The following TOX4 variants were observed in gnomAD, a reference collection of about 807,000 sequenced individuals.
TOX4 encodes TOX high mobility group box family member 4, also known as epidermal Langerhans cell protein LCP1.
In TOX4, 12 loss-of-function variants were observed where a neutral mutation model predicts 61.0. The ratio of observed to expected loss-of-function variants is 0.20; its 90% CI spans 0.13 to 0.32. The LOEUF (loss-of-function observed/expected upper bound fraction) is 0.32. Among genes scored for constraint, TOX4 ranks in the 10% least tolerant of loss-of-function variants. TOX4 has a pLI of 1.00. For missense variants in TOX4, 499 were observed against 753.3 expected, an observed-to-expected ratio of 0.66 and a Z score of 3.95; for synonymous variants, 268 against 274.8, an observed-to-expected ratio of 0.98 and a Z score of 0.24.
intron 7 of TOX4, among the ~76,000 whole-genome samples, chr14:21,494,980 G>A (rs200530246): frequency 6.6e-6 from 1 of 151,266 alleles, no homozygotes; most frequent in Admixed American, 6.6e-5. Context: ...GCTTAACAGG[G>A]AAAAAAAAGC....
chr14:21,492,298 A>G lies in TOX4; in HGVS notation c.813A>G (p.Val271=), dbSNP rs1272615965. The G allele has an allele frequency of 2.5e-6, 4 of 1,611,270 alleles. No individual in the cohort carries two copies. The highest frequency in any genetic ancestry group is 3.4e-6 in the Non-Finnish European group (4 of 1,179,146). ...TTTTTAAAGTCTCTTTTTTGCAGGT[A>G]TATAAGAGGAAAACTGAGGCTGCCA... is the stretch of plus-strand genomic sequence containing the variant. The part of the protein sequence containing the change: ...WDSLGEEQKQ[V]YKRKTEAAKK... The change falls in exon 6 of 9, where the codon GTA becomes GTG. Residue 271 remains valine (V), a splice_region_variant and synonymous_variant. Coordinates refer to ENST00000448790, the MANE Select transcript of TOX4 (RefSeq NM_014828.4).
chr14:21,482,409 G>C (rs937892423), intron 2 of TOX4: 22 of 314,946 alleles, frequency 7.0e-5, no homozygotes, highest in African/African-American at 1.1e-4. Flanking sequence ...TAAAGTGAAT[G>C]ATCTATATAA....
rs1301779620 is a variant in TOX4, at chr14:21,488,699, C to T, written c.428C>T (p.Thr143Ile). 6.2e-7 allele frequency: 1 copy of T among 1,614,160 alleles called. No individual in the cohort carries two copies. The highest frequency in any genetic ancestry group is 8.5e-7 in the Non-Finnish European group (1 of 1,180,038). Residue 143 changes from threonine (T) to isoleucine (I), a missense_variant, in exon 4 of 9, where the codon ACC becomes ATC. Physicochemically the swap from Thr to Ile is moderately conservative, Grantham distance 89 (BLOSUM62 -1). Transcript: ENST00000448790. ...TTGATGGGGCATAGCCAGTTGACCA[C>T]CATTGATCAGTCAGAACTGAGTTCC... ...SGLMGHSQLT[T>I]IDQSELSSQL...
In TOX4 at chr14:21,487,627, G is replaced by C. The variant is rs1218530567; in HGVS notation, c.252G>C (p.Met84Ile). The C allele has an allele frequency of 2.5e-6, 4 of 1,614,058 alleles. No individual in the cohort carries two copies. The Admixed American group carries it at 6.7e-5, about 27-fold the overall frequency. The change falls in exon 3 of 9, where the codon ATG becomes ATC. Residue 84 changes from methionine to isoleucine, a missense_variant. Met to Ile is a conservative substitution (Grantham distance 10). Transcript: ENST00000448790. ...SAQYGVQTLD[M>I]PVGMTHGLME... ...AGTATGGGGTCCAGACATTGGACAT[G>C]CCTGTGGGCATGACCCATGGCTTGA...
chr14:21,477,940 G>T (rs748972889), intron 2 of TOX4, among the ~76,000 whole-genome samples: 1 of 152,034 alleles, frequency 6.6e-6, no homozygotes, highest in Non-Finnish European at 1.5e-5. Flanking sequence ...GAGCTTATTG[G>T]TTTTCTTTTG....
intron 2 of TOX4, chr14:21,482,624 C>A (rs1346833868): frequency 2.2e-6 from 1 of 460,968 alleles, no homozygotes; most frequent in Non-Finnish European, 4.5e-6. Flanking sequence ...AACTGCATAT[C>A]ATGTTCCTGT....
chr14:21,487,080 A>C (rs1470717365), intron 2 of TOX4, among the ~76,000 whole-genome samples: 1 of 152,244 alleles, frequency 6.6e-6, no homozygotes, highest in African/African-American at 2.4e-5. Context: ...CTCTATTAGA[A>C]TCTTTAGAGA....
At chr14:21,479,378 C>T (rs1023660529) in intron 2 of TOX4, among the ~76,000 whole-genome samples, 20 of 151,312 alleles carry the variant, frequency 1.3e-4, no homozygotes, top group Middle Eastern at 3.2e-3. Context: ...AGGCGGGGTG[C>T]GGTGGCTCAT....
chr14:21,493,952 T>C (rs1481616743), intron 7 of TOX4, among the ~76,000 whole-genome samples: 1 of 152,094 alleles, frequency 6.6e-6, no homozygotes, highest in African/African-American at 2.4e-5. Context: ...AGTTTCACCA[T>C]GTTCATTGGG....
chr14:21,496,371 C>CA (rs1413824244), intron 8 of TOX4, 175 bp from the exon 9 acceptor site: 5 of 517,404 alleles, frequency 9.7e-6, no homozygotes, highest in South Asian at 2.1e-5. Context: ...ACTAAAAATA[C>CA]AAAAAATTGG....
rs567362931 is a variant in TOX4 at position 21,488,561 on chromosome 14, T to G, written c.319-29T>G. The G allele has an allele frequency of 1.3e-4, 203 of 1,597,116 alleles. No homozygotes were observed. In the East Asian group the frequency reaches 4.5e-3, roughly 35 times the overall value. On this transcript the variant is annotated intron_variant, in intron 3 of 8. Transcript: ENST00000448790. Reference sequence around the variant, plus strand: ...GAAAAGTGGTTTTTTTTATATTTAGTGTTTAATTAGTCCTTCTGCTTCTCT... The same window carrying G: ...GAAAAGTGGTTTTTTTTATATTTAGGGTTTAATTAGTCCTTCTGCTTCTCT...
chr14:21,477,307 G>A, intron 1 of TOX4, 23 bp downstream of exon 1: 1 of 1,614,024 alleles, frequency 6.2e-7, no homozygotes, highest in Non-Finnish European at 8.5e-7. Flanking sequence ...TAGCTAAGAA[G>A]GCTGGCGAGA....
intron 2 of TOX4, among the ~76,000 whole-genome samples, chr14:21,481,102 A>G (rs372018433): frequency 3.9e-5 from 6 of 152,340 alleles, no homozygotes; most frequent in African/African-American, 1.4e-4. Context: ...AAAAAATAAA[A>G]TAAAAGGAGG....
In TOX4 at chr14:21,498,175, G is replaced by C; in HGVS notation, c.*1569G>C. 1 of 814,584 alleles carries C rather than the reference G, an allele frequency of 1.2e-6. No homozygotes were observed. The highest frequency in any genetic ancestry group is 2.1e-6 in the Non-Finnish European group (1 of 484,148). 50.5% of individuals were successfully genotyped at this position (814,584 alleles called of 1,614,324 possible). A position where few individuals can be genotyped will look rare whatever the true frequency, so the allele number is the denominator to read the frequency against. ...TACAAATGTTTATTTAAATAAAGAA[G>C]AAAGCTATTGTACAAATATCACTCT... is the stretch of plus-strand genomic sequence containing the variant. On this transcript the variant is annotated 3_prime_UTR_variant, in exon 9 of 9. Transcript: ENST00000448790.
chr14:21,487,325 TA>T, intron 2 of TOX4, 125 bp from the exon 3 acceptor site: 3 of 1,315,854 alleles, frequency 2.3e-6, no homozygotes, highest in South Asian at 2.9e-5. Context: ...AAATTGATTA[TA>T]AAATAGGATC....
chr14:21,485,990 C>T (rs1422658086), intron 2 of TOX4, among the ~76,000 whole-genome samples: 3 of 104,224 alleles, frequency 2.9e-5, no homozygotes, highest in African/African-American at 1.1e-4. Context: ...TACTTGAGTC[C>T]AGGAGTTCGA....
At position 21,497,512 on chromosome 14, in the gene TOX4, GTGTTTT is replaced by G. The variant is rs1891428258; in HGVS notation, c.*908_*913del. 3 of 90,648 alleles carry G rather than the reference GTGTTTT, an allele frequency of 3.3e-5. No individual in the cohort carries two copies. Among genetic ancestry groups the G allele is most frequent in the Non-Finnish European group, 7.0e-5 (3 of 42,560 alleles). The allele number at this position is 90,648 out of a possible 1,614,324, so 5.6% of individuals were successfully genotyped here. On this transcript the variant is annotated 3_prime_UTR_variant, in exon 9 of 9. Transcript: ENST00000448790. ...TATCCTATGCATTCCTGTTTTCTGT[GTGTTTT>G]TTGTTTTTTTTTTTTTTTTTTTTTT...
Position 21,498,290 on chromosome 14 carries a change from C to T in TOX4, c.*1684C>T. 1 of 1,612,776 alleles carries T rather than the reference C, an allele frequency of 6.2e-7. No individual in the cohort carries two copies. Among genetic ancestry groups the T allele is most frequent in the Non-Finnish European group, 8.5e-7 (1 of 1,178,724 alleles). On this transcript the variant is annotated 3_prime_UTR_variant, in exon 9 of 9. Coordinates refer to ENST00000448790, the MANE Select transcript of TOX4 (RefSeq NM_014828.4). ...TTCTTAGGTTTAGAGATGATACCAT[C>T]TGGGTACCTTTGCTTGAACCGTGCA...
Position 21,492,486 on chromosome 14 carries a change from ATTGAT to A in TOX4, c.892-19_892-15del. 1 of 1,611,190 alleles carries A rather than the reference ATTGAT, an allele frequency of 6.2e-7. No homozygotes were observed. Among genetic ancestry groups the A allele is most frequent in the South Asian group, 1.1e-5 (1 of 90,866 alleles). ...CACCAAGTGATTGATTAATTGATAG[ATTGAT>A]TTATGTCTTCTTTTAGGCCACTGTG... is the stretch of plus-strand genomic sequence containing the variant. On this transcript the variant is annotated splice_polypyrimidine_tract_variant and intron_variant, in intron 6 of 8. Transcript: ENST00000448790.
Sources: allele counts gnomAD v4.1 joint callset (sites outside exome capture counted in the v4.1 genomes callset), GRCh38; gene constraint gnomAD v4.1.1; transcripts MANE v1.5; gene names NCBI Gene and HGNC (gene_info 2026-07-23, HGNC 2026-07-21).